ACYP2: variants seen among roughly 807,000 people sequenced by gnomAD.
ACYP2 encodes acylphosphatase 2.
ACYP2 carries 12 observed loss-of-function variants against 11.2 expected under a neutral mutation model. That is an observed-to-expected ratio of 1.08 (90% CI 0.69 to 1.74). The LOEUF is 1.74. Among genes scored for constraint, ACYP2 ranks in the 40% most tolerant of loss-of-function variants. The pLI, the probability that ACYP2 is intolerant of heterozygous loss-of-function variation, is 0.00. For synonymous variants in ACYP2, 43 were observed against 32.2 expected, an observed-to-expected ratio of 1.33 and a Z score of -1.13; for missense variants, 134 against 101.9, an observed-to-expected ratio of 1.31 and a Z score of -1.35.
intron 2 of ACYP2, among the ~76,000 whole-genome samples, chr2:53,978,830 G>A (rs62139335): frequency 1.1e-4 from 17 of 152,190 alleles, no homozygotes; most frequent in Non-Finnish European, 2.2e-4. Flanking sequence ...GTCTGAGGTG[G>A]GAGGATGGCC....
intron 2 of ACYP2, among the ~76,000 whole-genome samples, chr2:54,011,604 C>T (rs1007689829): frequency 5.3e-5 from 8 of 152,092 alleles, no homozygotes; most frequent in Non-Finnish European, 1.2e-4. Flanking sequence ...TACTGATTGC[C>T]CTTTCCCTAG....
intron 6 of ACYP2, among the ~76,000 whole-genome samples, chr2:54,202,007 C>G (rs991797299): frequency 7.5e-6 from 1 of 134,218 alleles, no homozygotes; most frequent in Non-Finnish European, 1.6e-5. Context: ...TGTGCCTGGC[C>G]CACTTATTTT....
intron 6 of ACYP2, among the ~76,000 whole-genome samples, chr2:54,294,154 C>G (rs947468375): frequency 1.3e-5 from 2 of 152,186 alleles, no homozygotes; most frequent in African/African-American, 2.4e-5. Flanking sequence ...GGGAATAGAA[C>G]TACTATGAAT....
intron 6 of ACYP2, among the ~76,000 whole-genome samples, chr2:54,145,715 T>C (rs1681851954): frequency 6.6e-6 from 1 of 152,206 alleles, no homozygotes; most frequent in South Asian, 2.1e-4. Context: ...TACTTGACAA[T>C]ATTTTAATCT....
At position 54,130,149 on chromosome 2, in the gene ACYP2, G is replaced by T. The variant is rs184085722; in HGVS notation, c.278-5304G>T. On this transcript the variant is annotated intron_variant, in intron 4 of 6. Transcript: ENST00000607452. ...AAATCAAAAAGTAAACAATGTATGT[G>T]CAAGAAACATGGGGTGCATTGCTGT... 5.1e-4 allele frequency among the ~76,000 whole-genome samples: 77 copies of T among 152,266 alleles called. 1 individual carries two copies. Among genetic ancestry groups the T allele is most frequent in the African/African-American group, 1.7e-3 (72 of 41,554 alleles).
At chr2:54,091,489 TTTTA>T (rs58827967) in intron 4 of ACYP2, among the ~76,000 whole-genome samples, 8,006 of 143,674 alleles carry the variant, frequency 0.056, 646 homozygotes, top group African/African-American at 0.19. Context: ...ACTCTCTTGA[TTTTA>T]TTTATTTATT....
intron 6 of ACYP2, among the ~76,000 whole-genome samples, chr2:54,215,180 A>G (rs1451939723): frequency 2.0e-5 from 3 of 152,184 alleles, no homozygotes; most frequent in Admixed American, 2.0e-4. Flanking sequence ...GTATAGAATT[A>G]CATTGTCTGC....
intron 2 of ACYP2, among the ~76,000 whole-genome samples, chr2:54,035,297 G>A (rs1423924376): frequency 7.6e-6 from 1 of 130,828 alleles, no homozygotes; most frequent in African/African-American, 2.9e-5. Context: ...ACAGAGTCTC[G>A]CTCTGTCGCC....
At chr2:54,109,215 G>A (rs1679327725) in intron 4 of ACYP2, among the ~76,000 whole-genome samples, 1 of 152,122 alleles carries the variant, frequency 6.6e-6, no homozygotes. Flanking sequence ...ATATACCATG[G>A]AATACTACTC....
intron 6 of ACYP2, among the ~76,000 whole-genome samples, chr2:54,278,895 G>A (rs1020205504): frequency 2.6e-5 from 4 of 152,202 alleles, no homozygotes; most frequent in African/African-American, 9.7e-5. Flanking sequence ...CTGAGGTTGT[G>A]TTCTCAGAAA....
intron 6 of ACYP2, among the ~76,000 whole-genome samples, chr2:54,178,669 T>C (rs1277315440): frequency 3.9e-5 from 6 of 152,234 alleles, no homozygotes; most frequent in Admixed American, 3.9e-4. Context: ...CTTGTGTACT[T>C]GTAATTCTAG....
intron 4 of ACYP2, among the ~76,000 whole-genome samples, chr2:54,095,143 C>CAT (rs1212571463): frequency 6.6e-6 from 1 of 151,864 alleles, no homozygotes; most frequent in East Asian, 1.9e-4. Context: ...CTTGCACCGC[C>CAT]CTTAATCCAT....
At chr2:54,021,248 T>TG (rs1167473288) in intron 2 of ACYP2, among the ~76,000 whole-genome samples, 1 of 152,146 alleles carries the variant, frequency 6.6e-6, no homozygotes, top group Non-Finnish European at 1.5e-5. Flanking sequence ...CAGCTGACCA[T>TG]GGGTGACTCA....
rs188501896 is a variant in ACYP2 at position 54,274,150 on chromosome 2, G to A, written c.405-30538G>A. On this transcript the variant is annotated intron_variant, in intron 6 of 6. Transcript: ENST00000607452. ...GGAAGCCTCATAATTATGGTGGAAG[G>A]CAAGGAGGAGCAGTCACATCTTACA... Among the ~76,000 whole-genome samples the A allele has an allele frequency of 2.9e-3, 441 of 152,256 alleles. 2 individuals are homozygous for A. The highest frequency in any genetic ancestry group is 0.01 in the African/African-American group (416 of 41,542).
Position 54,304,703 on chromosome 2 carries a change from C to T in ACYP2, c.420C>T (p.Ser140=), listed in dbSNP as rs1042487102. Reference sequence around the variant, plus strand: ...TTTTTTATAGGAAGTCCTGGCTGAGCAAGGTTGGAAGCCCTAGTTCTCGCA... The same window carrying T: ...TTTTTTATAGGAAGTCCTGGCTGAGTAAGGTTGGAAGCCCTAGTTCTCGCA... Residue 140 remains serine (S), a synonymous_variant, in exon 7 of 7, where the codon AGC becomes AGT. Coordinates refer to ENST00000607452, the MANE Select transcript of ACYP2 (RefSeq NM_001320586.2). The T allele has an allele frequency of 9.3e-6, 15 of 1,609,264 alleles. No individual in the cohort carries two copies. The African/African-American group carries it at 1.7e-4, about 19-fold the overall frequency.
At chr2:54,098,087 C>A (rs1678693343) in intron 4 of ACYP2, among the ~76,000 whole-genome samples, 1 of 151,676 alleles carries the variant, frequency 6.6e-6, no homozygotes, top group Non-Finnish European at 1.5e-5. Flanking sequence ...CTCAGCCTCC[C>A]CAGTAGCTGG....
intron 6 of ACYP2, among the ~76,000 whole-genome samples, chr2:54,302,150 C>T (rs1184334540): frequency 1.3e-5 from 2 of 152,190 alleles, no homozygotes; most frequent in Non-Finnish European, 2.9e-5. Flanking sequence ...TTAGTCGTTG[C>T]CCAGTTCCTA....
intron 6 of ACYP2, among the ~76,000 whole-genome samples, chr2:54,246,753 A>C (rs893308323): frequency 2.6e-5 from 4 of 152,176 alleles, no homozygotes; most frequent in Non-Finnish European, 5.9e-5. Context: ...TGGTGGTGAC[A>C]AATGAGCATC....
At chr2:54,027,345 C>T (rs910920593) in intron 2 of ACYP2, among the ~76,000 whole-genome samples, 1 of 152,126 alleles carries the variant, frequency 6.6e-6, no homozygotes, top group African/African-American at 2.4e-5. Context: ...TCCTTTTCCC[C>T]CAGAAGGCTG....
Sources: allele counts gnomAD v4.1 joint callset (sites outside exome capture counted in the v4.1 genomes callset), GRCh38; gene constraint gnomAD v4.1.1; transcripts MANE v1.5; gene names NCBI Gene and HGNC (gene_info 2026-07-23, HGNC 2026-07-21).